F5: variants seen among roughly 807,000 people sequenced by gnomAD.
The protein encoded by F5 is activated protein c cofactor.
F5 carries 138 observed loss-of-function variants against 216.4 expected under a neutral mutation model. That is an observed-to-expected ratio of 0.64 (90% CI 0.56 to 0.73). The LOEUF is 0.73. F5 is among the 30% of genes least tolerant of loss of function. The pLI is 0.00. For missense variants in F5, 2,403 were observed against 2,674.0 expected, an observed-to-expected ratio of 0.90 and a Z score of 2.24; for synonymous variants, 916 against 930.7, an observed-to-expected ratio of 0.98 and a Z score of 0.29.
At chr1:169,567,115 G>C (rs1418512465) in intron 3 of F5, among the ~76,000 whole-genome samples, 1 of 151,800 alleles carries the variant, frequency 6.6e-6, no homozygotes, top group Non-Finnish European at 1.5e-5. Flanking sequence ...GTCTCTTCCA[G>C]GTTGTAGACT....
At chr1:169,577,547 T>C (rs61280985) in intron 2 of F5, among the ~76,000 whole-genome samples, 12,447 of 107,380 alleles carry the variant, frequency 0.12, 1,041 homozygotes, top group African/African-American at 0.22. Flanking sequence ...TACCACCATG[T>C]CTGGCTAATT....
At chr1:169,547,732 A>T (rs936701932) in intron 10 of F5, among the ~76,000 whole-genome samples, 2 of 151,618 alleles carry the variant, frequency 1.3e-5, no homozygotes, top group Non-Finnish European at 2.9e-5. Context: ...ACACTTATAC[A>T]CTCTTGGTGG....
At chr1:169,573,715 C>G (rs952955594) in intron 2 of F5, among the ~76,000 whole-genome samples, 2 of 152,124 alleles carry the variant, frequency 1.3e-5, no homozygotes, top group African/African-American at 2.4e-5. Flanking sequence ...TTCTGGCTAC[C>G]TGGATCAAAT....
intron 3 of F5, among the ~76,000 whole-genome samples, chr1:169,563,833 C>T (rs578015951): frequency 8.4e-4 from 123 of 146,272 alleles, no homozygotes; most frequent in African/African-American, 2.5e-3. Flanking sequence ...GTCTTACTGT[C>T]TCTGCCTGCT....
chr1:169,559,217 C>CT lies in F5; in HGVS notation c.665dup (p.Ser223GlufsTer29). 6.2e-7 allele frequency: 1 copy of CT among 1,613,846 alleles called. No homozygotes were observed. The highest frequency in any genetic ancestry group is 1.1e-5 in the South Asian group (1 of 91,076). On this transcript the variant is annotated frameshift_variant, in exon 5 of 25. Transcript: ENST00000367797. LOFTEE classifies it high-confidence loss of function. The stretch of plus-strand genomic sequence containing the variant: ...TTAGGGATGATGACTGGCTCCAGCT[C>CT]TTGCTTTCATCAAACACAGCAAATA...
chr1:169,571,403 T>A (rs1384151814), intron 3 of F5, among the ~76,000 whole-genome samples: 2 of 152,178 alleles, frequency 1.3e-5, no homozygotes, highest in African/African-American at 2.4e-5. Flanking sequence ...CATTTCCATT[T>A]TATAGATGAG....
intron 14 of F5, among the ~76,000 whole-genome samples, chr1:169,532,327 AG>A (rs1303476184): frequency 1.3e-5 from 2 of 152,164 alleles, no homozygotes; most frequent in Admixed American, 6.5e-5. Flanking sequence ...TATTCAACAT[AG>A]TACTGGAAAT....
chr1:169,570,348 A>G (rs1660695797), intron 3 of F5, among the ~76,000 whole-genome samples: 1 of 152,126 alleles, frequency 6.6e-6, no homozygotes, highest in South Asian at 2.1e-4. Flanking sequence ...TGCATGTGAC[A>G]TTTTGATATT....
In F5 at chr1:169,523,438, C is replaced by T. The variant is rs9332643; in HGVS notation, c.5893-86G>A. 406,740 of 1,504,880 alleles carry T rather than the reference C, an allele frequency of 0.27. 56,265 individuals are homozygous for T. The highest frequency in any genetic ancestry group is 0.39 in the Admixed American group (22,467 of 57,494). 93.2% of individuals were successfully genotyped at this position (1,504,880 alleles called of 1,614,324 possible). A position where few individuals can be genotyped will look rare whatever the true frequency, so the allele number is the denominator to read the frequency against. On this transcript the variant is annotated intron_variant, in intron 20 of 24. Coordinates refer to ENST00000367797, the MANE Select transcript of F5 (RefSeq NM_000130.5). ...AATTCATTATACAATCAGCTTTCTT[C>T]AGAACTAAAGAGCTAGCACATAAGA...
intron 18 of F5, among the ~76,000 whole-genome samples, chr1:169,525,687 A>G (rs544046769): frequency 6.6e-6 from 1 of 152,344 alleles, no homozygotes; most frequent in East Asian, 1.9e-4. Context: ...GATGCTTTAC[A>G]CAGGTTTCCC....
intron 3 of F5, among the ~76,000 whole-genome samples, chr1:169,570,484 C>A (rs1660697984): frequency 6.6e-6 from 1 of 152,070 alleles, no homozygotes; most frequent in South Asian, 2.1e-4. Context: ...AGGAGAAACT[C>A]CTGTTCCCAC....
Position 169,536,671 on chromosome 1 carries a change from A to G in F5, c.4806T>C (p.Asp1602=). The change falls in exon 14 of 25, where the codon GAT becomes GAC. Residue 1602 remains aspartate, a synonymous_variant. Coordinates refer to ENST00000367797, the MANE Select transcript of F5 (RefSeq NM_000130.5). The part of the protein sequence containing the change: ...DYSEFVQRET[D]IEDSDDIPED... Reference sequence around the variant, plus strand: ...CTGGAATATCATCAGAGTCTTCAATATCTGTTTCCCTGAAATAATAATACT... The same window carrying G: ...CTGGAATATCATCAGAGTCTTCAATGTCTGTTTCCCTGAAATAATAATACT... The G allele has an allele frequency of 6.2e-7, 1 of 1,609,456 alleles. No homozygotes were observed. Among genetic ancestry groups the G allele is most frequent in the Non-Finnish European group, 8.5e-7 (1 of 1,175,896 alleles).
At chr1:169,577,560 A>T (rs7415665) in intron 2 of F5, among the ~76,000 whole-genome samples, 2 of 54,446 alleles carry the variant, frequency 3.7e-5, no homozygotes, top group Non-Finnish European at 7.6e-5. Flanking sequence ...GGCTAATTTA[A>T]ATATATATAT....
intron 3 of F5, among the ~76,000 whole-genome samples, chr1:169,567,522 A>C (rs1430132468): frequency 6.7e-6 from 1 of 148,158 alleles, no homozygotes; most frequent in East Asian, 2.1e-4. Flanking sequence ...AAAGTAAATA[A>C]GACTTTTTTG....
intron 1 of F5, among the ~76,000 whole-genome samples, chr1:169,585,495 C>T (rs1571607818): frequency 6.6e-6 from 1 of 152,104 alleles, no homozygotes; most frequent in East Asian, 1.9e-4. Flanking sequence ...TTATTTTTAA[C>T]ATTTCAATTA....
At chr1:169,550,306 GC>G (rs1181013040) in intron 9 of F5, among the ~76,000 whole-genome samples, 7 of 42,430 alleles carry the variant, frequency 1.6e-4, no homozygotes, top group Admixed American at 8.1e-4. Context: ...CCCCCGACAG[GC>G]CCCGGTGTGT....
chr1:169,567,975 G>A (rs765475305), intron 3 of F5, among the ~76,000 whole-genome samples: 2 of 152,096 alleles, frequency 1.3e-5, no homozygotes, highest in Admixed American at 6.6e-5. Context: ...CAGGGTGACT[G>A]ATTTTCTAAC....
rs1367241516 is a variant in F5 at position 169,514,293 on chromosome 1, G to A, written c.*20C>T. 1 of 1,612,274 alleles carries A rather than the reference G, an allele frequency of 6.2e-7. No homozygotes were observed. The highest frequency in any genetic ancestry group is 1.3e-5 in the African/African-American group (1 of 74,820). Reference sequence around the variant, plus strand: ...TGAGGTCTTAAAGAGTCTCTTCCAGGGGTTTTTGAATGTTCAATTCTAGTA... The same window carrying A: ...TGAGGTCTTAAAGAGTCTCTTCCAGAGGTTTTTGAATGTTCAATTCTAGTA... On this transcript the variant is annotated 3_prime_UTR_variant, in exon 25 of 25. Coordinates refer to ENST00000367797, the MANE Select transcript of F5 (RefSeq NM_000130.5).
At chr1:169,567,500 C>A (rs540294276) in intron 3 of F5, among the ~76,000 whole-genome samples, 2 of 151,182 alleles carry the variant, frequency 1.3e-5, no homozygotes, top group South Asian at 2.1e-4. Context: ...TGTATCTATT[C>A]CAAAGGCGAT....
Sources: allele counts gnomAD v4.1 joint callset (sites outside exome capture counted in the v4.1 genomes callset), GRCh38; gene constraint gnomAD v4.1.1; transcripts MANE v1.5; gene names NCBI Gene and HGNC (gene_info 2026-07-23, HGNC 2026-07-21).